Variants in KCNAB1 observed in about 807,000 individuals in gnomAD.
The protein encoded by KCNAB1 is voltage-gated potassium channel subunit beta-1.
KCNAB1 carries 35 observed loss-of-function variants against 64.6 expected under a neutral mutation model. The ratio of observed to expected loss-of-function variants is 0.54; its 90% CI spans 0.41 to 0.72. The LOEUF is 0.72. Among genes scored for constraint, KCNAB1 ranks in the 30% least tolerant of loss-of-function variants. The pLI, the probability that KCNAB1 is intolerant of heterozygous loss-of-function variation, is 0.00. For synonymous variants in KCNAB1, 177 were observed against 183.8 expected (o/e 0.96, Z 0.30); for missense variants, 401 against 512.9 (o/e 0.78, Z 2.11).
intron 1 of KCNAB1, among the ~76,000 whole-genome samples, chr3:156,376,258 G>A (rs1711653126): frequency 6.6e-6 from 1 of 152,220 alleles, no homozygotes; most frequent in Non-Finnish European, 1.5e-5. Context: ...AGAAGCAAGA[G>A]AGAGGCAGTG....
In KCNAB1 at chr3:156,515,140, C is replaced by G; in HGVS notation, c.785C>G (p.Pro262Arg). 6.2e-7 allele frequency: 1 copy of G among 1,613,200 alleles called. No homozygotes were observed. The highest frequency in any genetic ancestry group is 8.5e-7 in the Non-Finnish European group (1 of 1,179,362). ...GCAAGACAGTTCAATATGATCCCAC[C>G]GGTCTGTGAACAAGCTGAGTACCAT... ...SVARQFNMIP[P>R]VCEQAEYHLF... The change falls in exon 10 of 14, where the codon CCG (proline) becomes CGG (arginine). Residue 262 changes from proline (P) to arginine (R), a missense_variant. Coordinates refer to ENST00000490337, the MANE Select transcript of KCNAB1 (RefSeq NM_172160.3).
intron 1 of KCNAB1, among the ~76,000 whole-genome samples, chr3:156,143,929 ATTT>A (rs1235538629): frequency 1.3e-4 from 19 of 150,684 alleles, no homozygotes; most frequent in Middle Eastern, 3.4e-3. Context: ...TTATTTATTT[ATTT>A]ATTTATTTTT....
At chr3:156,364,553 C>T (rs545770432) in intron 1 of KCNAB1, among the ~76,000 whole-genome samples, 20 of 152,192 alleles carry the variant, frequency 1.3e-4, no homozygotes, top group Admixed American at 8.5e-4. Context: ...CCGAGGCGGG[C>T]GGATCACCTA....
Position 156,520,942 on chromosome 3 carries a change from C to T in KCNAB1, c.961-2885C>T, listed in dbSNP as rs183669909. 2.6e-4 allele frequency among the ~76,000 whole-genome samples: 40 copies of T among 152,274 alleles called. No individual in the cohort carries two copies. In the East Asian group the frequency reaches 6.8e-3, roughly 26 times the overall value. ...CTGAGTTCAATCCAAGATTAACTAACAACTAATTAGGGATCTGGGGCAAGT... is the reference window on the plus strand; with the variant it reads ...CTGAGTTCAATCCAAGATTAACTAATAACTAATTAGGGATCTGGGGCAAGT... On this transcript the variant is annotated intron_variant, in intron 11 of 13. Transcript: ENST00000490337.
intron 1 of KCNAB1, among the ~76,000 whole-genome samples, chr3:156,395,353 G>A (rs1243401528): frequency 2.7e-5 from 4 of 149,036 alleles, no homozygotes; most frequent in African/African-American, 5.1e-5. Flanking sequence ...AGACCATCCC[G>A]GCTAAAACGG....
At chr3:156,466,117 A>G (rs575648533) in intron 7 of KCNAB1, among the ~76,000 whole-genome samples, 2 of 152,216 alleles carry the variant, frequency 1.3e-5, no homozygotes, top group African/African-American at 4.8e-5. Flanking sequence ...TATACCCACT[A>G]GAAGACACTC....
intron 1 of KCNAB1, among the ~76,000 whole-genome samples, chr3:156,234,076 G>C (rs1716706606): frequency 6.6e-6 from 1 of 152,012 alleles, no homozygotes; most frequent in African/African-American, 2.4e-5. Flanking sequence ...ACAATCCTGA[G>C]GCTGGGTGGA....
intron 1 of KCNAB1, among the ~76,000 whole-genome samples, chr3:156,242,707 C>T (rs1456597774): frequency 6.6e-6 from 1 of 151,012 alleles, no homozygotes; most frequent in Non-Finnish European, 1.5e-5. Flanking sequence ...ATATTTTTCT[C>T]TTAACTCTAA....
chr3:156,521,397 C>T (rs761034886), intron 11 of KCNAB1, among the ~76,000 whole-genome samples: 5 of 152,158 alleles, frequency 3.3e-5, no homozygotes, highest in East Asian at 1.9e-4. Context: ...TTTGACTCCA[C>T]GGAACTCTGG....
intron 1 of KCNAB1, among the ~76,000 whole-genome samples, chr3:156,410,261 C>T (rs1317678814): frequency 1.3e-5 from 2 of 152,062 alleles, no homozygotes; most frequent in African/African-American, 4.8e-5. Context: ...AACTCATAAC[C>T]CGGTGAAAAA....
intron 13 of KCNAB1, 81 bp downstream of exon 13, chr3:156,531,578 C>T: frequency 1.9e-6 from 2 of 1,026,544 alleles, no homozygotes; most frequent in Non-Finnish European, 3.1e-6. Flanking sequence ...CCATCTCTCC[C>T]CCTCTCTGTC....
At chr3:156,412,323 GA>G in intron 1 of KCNAB1, among the ~76,000 whole-genome samples, 1 of 152,152 alleles carries the variant, frequency 6.6e-6, no homozygotes, top group Non-Finnish European at 1.5e-5. Context: ...TCTTCGATGA[GA>G]GACAGTTTTA....
chr3:156,453,965 C>T (rs1712200981), intron 3 of KCNAB1, among the ~76,000 whole-genome samples: 1 of 152,186 alleles, frequency 6.6e-6, no homozygotes, highest in African/African-American at 2.4e-5. Context: ...AAGCCCTTTA[C>T]AAAGGTAGTT....
At chr3:156,373,199 T>C (rs1726429640) in intron 1 of KCNAB1, among the ~76,000 whole-genome samples, 2 of 152,208 alleles carry the variant, frequency 1.3e-5, no homozygotes, top group Admixed American at 6.5e-5. Flanking sequence ...CTGTCTTCTT[T>C]TGTTATTTCA....
At chr3:156,412,902 A>G (rs1013483610) in intron 1 of KCNAB1, among the ~76,000 whole-genome samples, 2 of 152,228 alleles carry the variant, frequency 1.3e-5, no homozygotes, top group African/African-American at 4.8e-5. Flanking sequence ...TTTGAGCTTC[A>G]TTGTTTTGAT....
chr3:156,411,091 T>C (rs1221333842), intron 1 of KCNAB1, among the ~76,000 whole-genome samples: 1 of 152,218 alleles, frequency 6.6e-6, no homozygotes, highest in Non-Finnish European at 1.5e-5. Context: ...ATTTGCTCTG[T>C]ATCTTTGCCA....
At chr3:156,357,519 C>T (rs1253965552) in intron 1 of KCNAB1, among the ~76,000 whole-genome samples, 2 of 152,048 alleles carry the variant, frequency 1.3e-5, no homozygotes, top group Non-Finnish European at 2.9e-5. Context: ...GCCACCAGAG[C>T]CTATCTAATG....
intron 1 of KCNAB1, among the ~76,000 whole-genome samples, chr3:156,373,776 G>C (rs1294950353): frequency 6.6e-6 from 1 of 152,196 alleles, no homozygotes; most frequent in Non-Finnish European, 1.5e-5. Flanking sequence ...CATCAGCCTT[G>C]TACCAAAGGC....
chr3:156,456,145 A>G (rs1225800180), intron 3 of KCNAB1: 1 of 152,208 alleles, frequency 6.6e-6, no homozygotes, highest in Non-Finnish European at 1.5e-5. Context: ...CAAGGCCAGA[A>G]ATCACTCTTC....
Sources: gnomAD v4.1 joint callset for allele counts (sites outside exome capture counted in the v4.1 genomes callset) on GRCh38, gnomAD v4.1.1 for gene constraint, MANE v1.5 for transcripts, NCBI Gene and HGNC (gene_info 2026-07-23, HGNC 2026-07-21) for gene names.